The following NLRP14 variants were observed in gnomAD, a reference collection of about 807,000 sequenced individuals.
NLRP14 encodes NLR family pyrin domain containing 14.
In NLRP14, 105 loss-of-function variants were observed where a neutral mutation model predicts 94.7. The ratio of observed to expected loss-of-function variants is 1.11; its 90% CI spans 0.95 to 1.30. The LOEUF (loss-of-function observed/expected upper bound fraction) is 1.30, where lower values mean the gene tolerates loss of function less well. Ranked by LOEUF, NLRP14 falls within the 50% of genes most tolerant of loss-of-function variation. NLRP14 has a pLI of 0.00. For missense variants in NLRP14, 1,362 were observed against 1,254.1 expected, an observed-to-expected ratio of 1.09 and a Z score of -1.30; for synonymous variants, 508 against 459.9, an observed-to-expected ratio of 1.10 and a Z score of -1.34.
chr11:7,063,437 G>C (rs1471860383), intron 10 of NLRP14, among the ~76,000 whole-genome samples: 1 of 152,022 alleles, frequency 6.6e-6, no homozygotes, highest in Non-Finnish European at 1.5e-5. Context: ...AGAGACCTAG[G>C]ATTTTACAGG....
chr11:7,044,118 G>C lies in NLRP14; in HGVS notation c.1958+134G>C, dbSNP rs1852315459. On this transcript the variant is annotated intron_variant, in intron 4 of 11. Coordinates refer to ENST00000299481, the MANE Select transcript of NLRP14 (RefSeq NM_176822.4). ...TGGAGTTGTCCCATCTTGAGGCAGG[G>C]AGGCTAAGCATTTAAACCCCTTATT... 5 of 889,680 alleles carry C rather than the reference G, an allele frequency of 5.6e-6. No individual in the cohort carries two copies. The African/African-American group carries it at 8.3e-5, about 15-fold the overall frequency. The allele number at this position is 889,680 out of a possible 1,614,324, so 55.1% of individuals were successfully genotyped here.
intron 1 of NLRP14, among the ~76,000 whole-genome samples, chr11:7,024,397 T>C (rs1175733211): frequency 6.6e-6 from 1 of 152,250 alleles, no homozygotes; most frequent in Non-Finnish European, 1.5e-5. Context: ...TGCATCTGGT[T>C]TCTGTTATGC....
At chr11:7,032,015 A>G (rs946607057) in intron 1 of NLRP14, among the ~76,000 whole-genome samples, 2 of 152,222 alleles carry the variant, frequency 1.3e-5, no homozygotes, top group Non-Finnish European at 2.9e-5. Context: ...CAAGTTAGCA[A>G]TTATTGCCAA....
chr11:7,086,067 G>A, the NLRP14 span, among the ~76,000 whole-genome samples: 1 of 152,172 alleles, frequency 6.6e-6, no homozygotes, highest in Non-Finnish European at 1.5e-5. Context: ...TCCAGAAATA[G>A]TGTTGTTGAA....
the NLRP14 span, among the ~76,000 whole-genome samples, chr11:7,079,336 C>T: frequency 7.2e-5 from 11 of 152,302 alleles, no homozygotes; most frequent in South Asian, 2.3e-3. Context: ...TTTCTCATTC[C>T]TTTGGTGTAC....
At chr11:7,074,566 A>G (rs1020938206), downstream of NLRP14, among the ~76,000 whole-genome samples, 3 of 152,258 alleles carry the variant, frequency 2.0e-5, no homozygotes, top group African/African-American at 7.2e-5. Context: ...TGTCAGAAAA[A>G]GGAAAATTCT....
At chr11:7,037,055 A>G (rs1007253999) in intron 1 of NLRP14, among the ~76,000 whole-genome samples, 1 of 152,204 alleles carries the variant, frequency 6.6e-6, no homozygotes, top group African/African-American at 2.4e-5. Flanking sequence ...ATGGACCCAC[A>G]TGTAGGGATA....
chr11:7,054,165 C>G (rs982828813), intron 6 of NLRP14, among the ~76,000 whole-genome samples: 3 of 152,264 alleles, frequency 2.0e-5, no homozygotes, highest in Non-Finnish European at 4.4e-5. Context: ...GGATAGTACT[C>G]CAGTGTGTGT....
At chr11:7,084,964 G>A in the NLRP14 span, among the ~76,000 whole-genome samples, 1 of 152,170 alleles carries the variant, frequency 6.6e-6, no homozygotes, top group Non-Finnish European at 1.5e-5. Context: ...CACCCAGTTG[G>A]TGTCCAGGAG....
At chr11:7,058,575 G>C (rs1852558371) in intron 8 of NLRP14, 125 bp downstream of exon 8, 1 of 729,790 alleles carries the variant, frequency 1.4e-6, no homozygotes, top group Admixed American at 2.1e-5. Context: ...TGAAGAAGGT[G>C]AAAGTGATAT....
the NLRP14 span, among the ~76,000 whole-genome samples, chr11:7,082,923 C>T: frequency 1.3e-4 from 20 of 152,190 alleles, no homozygotes; most frequent in African/African-American, 4.6e-4. Context: ...CCCATCAGGC[C>T]TGTAGGAATT....
At chr11:7,065,987 C>T (rs146260897) in intron 10 of NLRP14, among the ~76,000 whole-genome samples, 2 of 152,106 alleles carry the variant, frequency 1.3e-5, no homozygotes, top group African/African-American at 4.8e-5. Context: ...TGTTAGTTTG[C>T]TGAGAATGAT....
chr11:7,044,089 C>G, intron 4 of NLRP14, 105 bp downstream of exon 4: 1 of 1,096,960 alleles, frequency 9.1e-7, no homozygotes, highest in East Asian at 2.4e-5. Context: ...CTGAGATAAC[C>G]CTCTGGAGTT....
the NLRP14 span, chr11:7,089,293 G>T: frequency 5.6e-6 from 9 of 1,607,082 alleles, no homozygotes; most frequent in Admixed American, 5.1e-5. Context: ...ACCTTTGAAA[G>T]CCCCGCAGAC....
intron 1 of NLRP14, among the ~76,000 whole-genome samples, chr11:7,023,495 TA>T (rs1488160372): frequency 7.0e-6 from 1 of 142,908 alleles, no homozygotes; most frequent in African/African-American, 2.5e-5. Context: ...TAAGTATAAA[TA>T]TATAAAAATT....
At chr11:7,044,129 T>C (rs1852315702) in intron 4 of NLRP14, 145 bp downstream of exon 4, 7 of 813,298 alleles carry the variant, frequency 8.6e-6, no homozygotes, top group Non-Finnish European at 1.4e-5. Context: ...AGGCTAAGCA[T>C]TTAAACCCCT....
chr11:7,074,643 T>C (rs1192696553), downstream of NLRP14, among the ~76,000 whole-genome samples: 1 of 152,232 alleles, frequency 6.6e-6, no homozygotes, highest in East Asian at 1.9e-4. Context: ...TTTTTAAAGA[T>C]GAAAACTATT....
In NLRP14 at chr11:7,027,908, C is replaced by G. The variant is rs185289987; in HGVS notation, c.-22+7138C>G. Among the ~76,000 whole-genome samples the G allele has an allele frequency of 1.3e-3, 202 of 152,242 alleles. 4 individuals carry two copies. In the East Asian group the frequency reaches 0.033, roughly 25 times the overall value. ...TCTTCACTTGGAGTTTTAGACAGCACGCTCTTCAGGTTTTTCCTCTCTGGA... is the reference window on the plus strand; with the variant it reads ...TCTTCACTTGGAGTTTTAGACAGCAGGCTCTTCAGGTTTTTCCTCTCTGGA... On this transcript the variant is annotated intron_variant, in intron 1 of 11. Coordinates refer to ENST00000299481, the MANE Select transcript of NLRP14 (RefSeq NM_176822.4).
chr11:7,047,470 T>C (rs1218606734), intron 5 of NLRP14, among the ~76,000 whole-genome samples: 1 of 150,766 alleles, frequency 6.6e-6, no homozygotes, highest in Non-Finnish European at 1.5e-5. Flanking sequence ...TGCCAGGCTA[T>C]TTTTTTTTAA....
Sources: allele counts gnomAD v4.1 joint callset (sites outside exome capture counted in the v4.1 genomes callset), GRCh38; gene constraint gnomAD v4.1.1; transcripts MANE v1.5; gene names NCBI Gene and HGNC (gene_info 2026-07-23, HGNC 2026-07-21).